The following USP48 variants were observed in gnomAD, a reference collection of about 807,000 sequenced individuals.
USP48 encodes ubiquitin specific peptidase 48, also known as ubiquitin carboxyl-terminal hydrolase 48.
In USP48, 43 loss-of-function variants were observed where a neutral mutation model predicts 150.7. The observed-to-expected ratio is 0.29, with a 90% CI of 0.22 to 0.37. The LOEUF (loss-of-function observed/expected upper bound fraction) is 0.37, where lower values mean the gene tolerates loss of function less well. Ranked by LOEUF, USP48 falls within the 10% of genes least tolerant of loss-of-function variation. The pLI is 1.00. For missense variants in USP48, 813 were observed against 1,249.6 expected, an observed-to-expected ratio of 0.65 and a Z score of 5.27; for synonymous variants, 396 against 425.9, an observed-to-expected ratio of 0.93 and a Z score of 0.86.
At chr1:21,716,529 C>A (rs2097704812) in intron 14 of USP48, among the ~76,000 whole-genome samples, 1 of 152,206 alleles carries the variant, frequency 6.6e-6, no homozygotes, top group African/African-American at 2.4e-5. Context: ...TTTCAGACTG[C>A]AGTTCACTGC....
In USP48 at chr1:21,724,025, A is replaced by G; in HGVS notation, c.1521T>C (p.Ile507=). ...GGGAACACAGGCAAGCGTGATTATC[A>G]ATAGGTTTGGTAGGTGTTGATTCAT... is the stretch of plus-strand genomic sequence containing the variant. ...WLDESTPTKP[I]DNHACLCSHD... is the part of the protein sequence containing the mutation. The change falls in exon 12 of 27, where the codon ATT becomes ATC. Residue 507 remains isoleucine, a synonymous_variant. Transcript: ENST00000308271. The G allele has an allele frequency of 1.2e-6, 2 of 1,614,198 alleles. No individual in the cohort carries two copies. Among genetic ancestry groups the G allele is most frequent in the South Asian group, 2.2e-5 (2 of 91,080 alleles).
chr1:21,713,157 C>G (rs2152531900), intron 15 of USP48, among the ~76,000 whole-genome samples: 1 of 149,678 alleles, frequency 6.7e-6, no homozygotes, highest in South Asian at 2.2e-4. Flanking sequence ...GGCTGGAGTA[C>G]AGTGGCACGT....
At position 21,782,887 on chromosome 1, in the gene USP48, G is replaced by T. The variant is rs1486135828; in HGVS notation, c.71C>A (p.Ser24Ter). The change falls in exon 1 of 27, where the codon TCG becomes TAG. Residue 24 changes from serine to a stop codon, truncating the protein, a stop_gained. Coordinates refer to ENST00000308271, the MANE Select transcript of USP48 (RefSeq NM_032236.8). LOFTEE classifies it high-confidence loss of function. ...GTAAGCGGTCTCGATGTGCTCCTGC[G>T]ACACCTCCTCGGGCCGCACCGTCTC... ...WAETVRPEEV[S>*]QEHIETAYRI... 1 of 1,556,986 alleles carries T rather than the reference G, an allele frequency of 6.4e-7. No homozygotes were observed. Among genetic ancestry groups the T allele is most frequent in the South Asian group, 1.2e-5 (1 of 84,486 alleles).
chr1:21,777,531 G>C (rs1351786051), intron 1 of USP48, among the ~76,000 whole-genome samples: 1 of 152,040 alleles, frequency 6.6e-6, no homozygotes, highest in Non-Finnish European at 1.5e-5. Context: ...AGCTGGGTGT[G>C]GTGGTACAAC....
intron 23 of USP48, 147 bp from the exon 24 acceptor site, chr1:21,690,246 T>G (rs1046789589): frequency 1.1e-6 from 1 of 950,592 alleles, no homozygotes; most frequent in Non-Finnish European, 1.5e-6. Context: ...GCCTACTTGT[T>G]ATACTCCTAC....
In USP48 at chr1:21,725,378, A is replaced by C. The variant is rs189550333; in HGVS notation, c.1451-1283T>G. On this transcript the variant is annotated intron_variant, in intron 11 of 26. Transcript: ENST00000308271. ...TGTTGTTGAGTATAAAAGATAAGCT[A>C]TGTGAAGCATTTTGAGCTTTTTGGA... 3.7e-4 allele frequency among the ~76,000 whole-genome samples: 57 copies of C among 152,330 alleles called. No individual in the cohort carries two copies. The East Asian group carries it at 0.01, about 27-fold the overall frequency.
intron 2 of USP48, chr1:21,756,951 C>T (rs1283672469): frequency 3.0e-6 from 3 of 985,262 alleles, no homozygotes; most frequent in East Asian, 1.1e-4. Context: ...TCGTCTTCTC[C>T]AGCCACTTAA....
rs905296593 is a variant in USP48, at chr1:21,694,685, C to T, written c.2883+381G>A. Among the ~76,000 whole-genome samples, 3 of 143,884 alleles carry T rather than the reference C, an allele frequency of 2.1e-5. No individual in the cohort carries two copies. In the South Asian group the frequency reaches 7.0e-4, roughly 34 times the overall value. The allele number at this position is 143,884 out of a possible 152,430, so 94.4% of individuals were successfully genotyped here. A position where few individuals can be genotyped will look rare whatever the true frequency, so the allele number is the denominator to read the frequency against. ...CTAGTGAATAAGCAATCACTAATCG[C>T]TAATAATAAGCTGCCTTTTATCTCC... On this transcript the variant is annotated intron_variant, in intron 23 of 26. Transcript: ENST00000308271.
intron 24 of USP48, among the ~76,000 whole-genome samples, chr1:21,688,703 T>G (rs971029771): frequency 4.0e-5 from 6 of 151,032 alleles, no homozygotes; most frequent in African/African-American, 1.2e-4. Context: ...ATTGGCCGGG[T>G]GTGGTGGCAC....
chr1:21,758,610 C>T (rs528953486), intron 1 of USP48, among the ~76,000 whole-genome samples: 19 of 151,854 alleles, frequency 1.3e-4, no homozygotes, highest in African/African-American at 4.6e-4. Context: ...ATTAGCCGGG[C>T]GTGGCGGTGC....
intron 1 of USP48, among the ~76,000 whole-genome samples, chr1:21,773,042 T>C (rs1180226759): frequency 6.7e-6 from 1 of 149,426 alleles, no homozygotes; most frequent in Non-Finnish European, 1.5e-5. Context: ...GCGGATCACA[T>C]GGTCAGGAGT....
chr1:21,701,223 G>A (rs1032950173), intron 22 of USP48, among the ~76,000 whole-genome samples: 7 of 151,010 alleles, frequency 4.6e-5, no homozygotes, highest in Non-Finnish European at 8.9e-5. Context: ...AAAATTAGCC[G>A]GGTGTGGTGG....
At chr1:21,747,172 A>G (rs374363267) in intron 7 of USP48, 23 bp from the exon 8 acceptor site, 96 of 1,539,244 alleles carry the variant, frequency 6.2e-5, no homozygotes, top group Non-Finnish European at 7.7e-5. Flanking sequence ...AAAGCTGATT[A>G]TATTTACATT....
At chr1:21,698,033 GA>G (rs1482925233) in intron 22 of USP48, among the ~76,000 whole-genome samples, 4 of 152,110 alleles carry the variant, frequency 2.6e-5, no homozygotes, top group Non-Finnish European at 4.4e-5. Flanking sequence ...CTAGCTTAGA[GA>G]AAAGAGGAAA....
At chr1:21,774,833 C>T (rs2097893352) in intron 1 of USP48, among the ~76,000 whole-genome samples, 1 of 150,906 alleles carries the variant, frequency 6.6e-6, no homozygotes, top group Non-Finnish European at 1.5e-5. Flanking sequence ...CTCCACTAAA[C>T]TACAAAAATT....
chr1:21,770,382 T>C (rs1026382708), intron 1 of USP48, among the ~76,000 whole-genome samples: 1 of 151,504 alleles, frequency 6.6e-6, no homozygotes, highest in African/African-American at 2.4e-5. Context: ...AGTAGAAAAA[T>C]GGAAGATAAG....
At chr1:21,715,321 C>A in intron 15 of USP48, 68 bp downstream of exon 15, 4 of 1,264,494 alleles carry the variant, frequency 3.2e-6, no homozygotes, top group Non-Finnish European at 4.4e-6. Flanking sequence ...GGCATGAAAG[C>A]CAGGCAGTAG....
In USP48 at chr1:21,747,125, C is replaced by T; in HGVS notation, c.933G>A (p.Leu311=). ...TTTCTGAGAAGCCAATGTAGGTATT[C>T]AGCTTTTTCTTATGTCCAGTTTGCC... ...FDRQTGHKKK[L]NTYIGFSEIL... The change falls in exon 8 of 27, where the codon CTG becomes CTA. Residue 311 remains leucine (L), a synonymous_variant. Coordinates refer to ENST00000308271, the MANE Select transcript of USP48 (RefSeq NM_032236.8). 6.2e-7 allele frequency: 1 copy of T among 1,611,348 alleles called. No individual in the cohort carries two copies. Among genetic ancestry groups the T allele is most frequent in the Non-Finnish European group, 8.5e-7 (1 of 1,179,606 alleles).
chr1:21,783,108 T>G lies in USP48; in HGVS notation c.-151A>C. 1 of 1,189,284 alleles carries G rather than the reference T, an allele frequency of 8.4e-7. No individual in the cohort carries two copies. 73.7% of individuals were successfully genotyped at this position (1,189,284 alleles called of 1,614,324 possible). A position where few individuals can be genotyped will look rare whatever the true frequency, so the allele number is the denominator to read the frequency against. ...CCAGTCAATCACCTGTGCGCGCCAC[T>G]GCCGCCGCGCCCGCCCGCGCCCGAC... On this transcript the variant is annotated 5_prime_UTR_variant, in exon 1 of 27. Coordinates refer to ENST00000308271, the MANE Select transcript of USP48 (RefSeq NM_032236.8).
Sources: allele counts gnomAD v4.1 joint callset (sites outside exome capture counted in the v4.1 genomes callset), GRCh38; gene constraint gnomAD v4.1.1; transcripts MANE v1.5; gene names NCBI Gene and HGNC (gene_info 2026-07-23, HGNC 2026-07-21).